The following OR6N1 variants were observed in gnomAD, a reference collection of about 807,000 sequenced individuals.
OR6N1 encodes the protein olfactory receptor 6N1.
For synonymous variants in OR6N1, 170 were observed against 150.7 expected (o/e 1.13, Z -0.94); for missense variants, 394 against 371.7 (o/e 1.06, Z -0.49).
chr1:158,774,391 C>A (rs1029098897), upstream of OR6N1: 2 of 152,152 alleles, frequency 1.3e-5, no homozygotes, highest in African/African-American at 4.8e-5. Flanking sequence ...ATTTGTTACT[C>A]ATAGACATGC....
chr1:158,803,107 T>C, the OR6N1 span, among the ~76,000 whole-genome samples: 718 of 152,200 alleles, frequency 4.7e-3, 4 homozygotes, highest in African/African-American at 0.016. Context: ...GATACGGAGG[T>C]AACCATAAAA....
the OR6N1 span, among the ~76,000 whole-genome samples, chr1:158,790,077 C>A: frequency 2.0e-5 from 3 of 152,068 alleles, no homozygotes; most frequent in African/African-American, 7.2e-5. Context: ...TTTCCTGCAC[C>A]ATTTATGGAA....
the OR6N1 span, among the ~76,000 whole-genome samples, chr1:158,834,571 C>T: frequency 1.3e-5 from 2 of 151,984 alleles, no homozygotes; most frequent in Non-Finnish European, 2.9e-5. Context: ...TCTAGGTTCC[C>T]TTTTTTACTC....
At chr1:158,804,745 A>T in the OR6N1 span, among the ~76,000 whole-genome samples, 1 of 152,148 alleles carries the variant, frequency 6.6e-6, no homozygotes, top group Non-Finnish European at 1.5e-5. Flanking sequence ...GAAAAAAATG[A>T]TATGAAATGC....
chr1:158,790,400 AT>A, the OR6N1 span, among the ~76,000 whole-genome samples: 1,082 of 129,428 alleles, frequency 8.4e-3, 3 homozygotes, highest in African/African-American at 0.02. Flanking sequence ...TTGATAGGGA[AT>A]TTTTTTTTTT....
the OR6N1 span, among the ~76,000 whole-genome samples, chr1:158,784,216 C>A: frequency 1.3e-5 from 2 of 152,198 alleles, no homozygotes; most frequent in African/African-American, 4.8e-5. Flanking sequence ...TATAGTTTTT[C>A]AGAACACTCT....
the OR6N1 span, among the ~76,000 whole-genome samples, chr1:158,829,500 C>T: frequency 7.9e-5 from 12 of 152,184 alleles, no homozygotes; most frequent in Admixed American, 6.5e-4. Flanking sequence ...CAACAAGTCC[C>T]TCATCTCCAT....
chr1:158,782,075 A>G, the OR6N1 span, among the ~76,000 whole-genome samples: 4 of 152,164 alleles, frequency 2.6e-5, no homozygotes, highest in Admixed American at 6.5e-5. Flanking sequence ...GAGCATAACC[A>G]AGGTCACACT....
the OR6N1 span, among the ~76,000 whole-genome samples, chr1:158,804,284 G>C: frequency 2.6e-5 from 4 of 152,158 alleles, no homozygotes; most frequent in East Asian, 7.7e-4. Context: ...TTACTTTTTT[G>C]TTCTGGTTGG....
At chr1:158,785,784 G>C in the OR6N1 span, among the ~76,000 whole-genome samples, 1 of 152,122 alleles carries the variant, frequency 6.6e-6, no homozygotes, top group South Asian at 2.1e-4. Flanking sequence ...AATTTATCCT[G>C]AGATTATAAT....
upstream of OR6N1, among the ~76,000 whole-genome samples, chr1:158,772,753 T>A (rs543325553): frequency 5.9e-5 from 9 of 152,270 alleles, no homozygotes; most frequent in South Asian, 8.3e-4. Context: ...TTGGATACAA[T>A]CCCAGCCATT....
the OR6N1 span, among the ~76,000 whole-genome samples, chr1:158,811,405 C>T: frequency 6.6e-6 from 1 of 152,196 alleles, no homozygotes; most frequent in African/African-American, 2.4e-5. Flanking sequence ...ACCAGTATTG[C>T]TATCATTGTT....
At chr1:158,802,064 A>G in the OR6N1 span, among the ~76,000 whole-genome samples, 3 of 152,080 alleles carry the variant, frequency 2.0e-5, no homozygotes, top group Non-Finnish European at 2.9e-5. Context: ...TGGGGTAGGA[A>G]GTTGGACACA....
intron 1 of OR6N1, among the ~76,000 whole-genome samples, chr1:158,771,027 A>G (rs1319889811): frequency 1.3e-5 from 2 of 152,164 alleles, no homozygotes; most frequent in African/African-American, 2.4e-5. Context: ...AGCAATTTCA[A>G]TGTTTGCCAA....
rs1220236923 is a variant in OR6N1 at position 158,765,280 on chromosome 1, T to A, written c.*464A>T. 1.3e-5 allele frequency: 2 copies of A among 152,792 alleles called. No individual in the cohort carries two copies. Among genetic ancestry groups the A allele is most frequent in the Non-Finnish European group, 2.9e-5 (2 of 68,452 alleles). 9.5% of individuals were successfully genotyped at this position (152,792 alleles called of 1,614,324 possible). On this transcript the variant is annotated 3_prime_UTR_variant, in exon 2 of 2. Transcript: ENST00000641846. ...AACATGATTTAAATCCAGATATATA[T>A]GAGTTCAAAAAACATGCTTTTTTCT...
chr1:158,818,842 G>A, the OR6N1 span, among the ~76,000 whole-genome samples: 1 of 152,100 alleles, frequency 6.6e-6, no homozygotes, highest in East Asian at 1.9e-4. Context: ...AACTACCACT[G>A]TTATACATGG....
Position 158,766,662 on chromosome 1 carries a change from G to C in OR6N1, c.21C>G (p.Ser7Arg), listed in dbSNP as rs1466774730. Reference protein sequence around the residue: MDTGNWSQVAEFIILGF... With the variant: MDTGNWRQVAEFIILGF... ...CCAAGATGATGAATTCTGCTACCTG[G>C]CTCCAGTTCCCTGTGTCCATTGCTC... Residue 7 changes from serine (S) to arginine (R), a missense_variant, in exon 2 of 2, where the codon AGC becomes AGG. By Grantham distance (110) the Ser-to-Arg change is moderately radical (BLOSUM62 -1). Transcript: ENST00000641846. The C allele has an allele frequency of 6.2e-7, 1 of 1,611,092 alleles. No individual in the cohort carries two copies. The highest frequency in any genetic ancestry group is 8.5e-7 in the Non-Finnish European group (1 of 1,179,204).
chr1:158,811,378 T>C, the OR6N1 span, among the ~76,000 whole-genome samples: 1 of 151,508 alleles, frequency 6.6e-6, no homozygotes, highest in Non-Finnish European at 1.5e-5. Flanking sequence ...TGCCGAGCAG[T>C]GTTCTAAACC....
chr1:158,814,573 T>G, the OR6N1 span, among the ~76,000 whole-genome samples: 2 of 152,198 alleles, frequency 1.3e-5, no homozygotes, highest in Non-Finnish European at 2.9e-5. Context: ...GTTGAGAGTC[T>G]GCTTCTCAGT....
Sources: allele counts gnomAD v4.1 joint callset (sites outside exome capture counted in the v4.1 genomes callset), GRCh38; gene constraint gnomAD v4.1.1; transcripts MANE v1.5; gene names NCBI Gene and HGNC (gene_info 2026-07-23, HGNC 2026-07-21).